Variants in ADGRL3 observed in about 807,000 individuals in gnomAD.
ADGRL3 encodes calcium-independent alpha-latrotoxin receptor 3.
A neutral mutation model predicts 153.5 loss-of-function variants in ADGRL3; 62 were observed. The observed-to-expected ratio is 0.40, with a 90% confidence interval of 0.33 to 0.50. The LOEUF is 0.50. Ranked by LOEUF, ADGRL3 falls within the 20% of genes least tolerant of loss-of-function variation. The pLI is 0.47. For missense variants in ADGRL3, 1,641 were observed against 1,859.4 expected (o/e 0.88, Z 2.16); for synonymous variants, 710 against 672.5 (o/e 1.06, Z -0.86).
At chr4:61,300,748 T>C (rs77083600) in intron 1 of ADGRL3, among the ~76,000 whole-genome samples, 4,892 of 148,724 alleles carry the variant, frequency 0.033, 167 homozygotes, top group African/African-American at 0.081. Context: ...AGAATGAGTT[T>C]TGTTTTCTTT....
intron 1 of ADGRL3, among the ~76,000 whole-genome samples, chr4:61,271,046 A>G (rs1413191471): frequency 6.6e-6 from 1 of 151,814 alleles, no homozygotes; most frequent in Non-Finnish European, 1.5e-5. Context: ...TGGTAAAGGA[A>G]GGTATTAGTG....
intron 1 of ADGRL3, among the ~76,000 whole-genome samples, chr4:61,351,290 A>G (rs531719590): frequency 1.3e-5 from 2 of 152,330 alleles, no homozygotes; most frequent in East Asian, 3.9e-4. Flanking sequence ...AAACTAGCAG[A>G]TAATGGTTCA....
At chr4:61,960,797 G>A (rs752866711) in intron 17 of ADGRL3, among the ~76,000 whole-genome samples, 5 of 152,106 alleles carry the variant, frequency 3.3e-5, no homozygotes, top group South Asian at 2.1e-4. Context: ...TGCAAGCTCC[G>A]CCTCCCAGGT....
chr4:61,604,263 C>A (rs1037080248), intron 5 of ADGRL3, among the ~76,000 whole-genome samples: 1 of 152,116 alleles, frequency 6.6e-6, no homozygotes, highest in Non-Finnish European at 1.5e-5. Flanking sequence ...TTCATTATGT[C>A]AGTGTCTGCC....
intron 1 of ADGRL3, among the ~76,000 whole-genome samples, chr4:61,284,593 T>A (rs1221120343): frequency 6.6e-6 from 1 of 151,932 alleles, no homozygotes; most frequent in African/African-American, 2.4e-5. Context: ...AATATATATT[T>A]TCTGTGTAAA....
At position 62,071,027 on chromosome 4, in the gene ADGRL3, C is replaced by T; in HGVS notation, c.*119C>T. ...AAATCTTTATGCTGTCCTCTAAAGA[C>T]AAACACAAACTCTCAGACTTTTTTT... On this transcript the variant is annotated 3_prime_UTR_variant, in exon 27 of 27. Coordinates refer to ENST00000683033, the MANE Select transcript of ADGRL3 (RefSeq NM_001387552.1). 3.5e-6 allele frequency: 3 copies of T among 855,306 alleles called. No individual in the cohort carries two copies. The highest frequency in any genetic ancestry group is 5.2e-6 in the Non-Finnish European group (3 of 572,386). The allele number at this position is 855,306 out of a possible 1,614,324, so 53.0% of individuals were successfully genotyped here.
At chr4:61,413,684 C>T (rs933618950) in intron 2 of ADGRL3, among the ~76,000 whole-genome samples, 19 of 152,248 alleles carry the variant, frequency 1.2e-4, no homozygotes, top group Admixed American at 8.5e-4. Flanking sequence ...CATTTTCGGT[C>T]TATATCTGTT....
rs1359986069 is a variant in ADGRL3 at position 62,070,188 on chromosome 4, C to T, written c.3912C>T (p.Ser1304=). Residue 1304 remains serine, a synonymous_variant, in exon 27 of 27, where the codon AGC becomes AGT. Coordinates refer to ENST00000683033, the MANE Select transcript of ADGRL3 (RefSeq NM_001387552.1). ...PLNGNHGNSY[S]IASGEYLSNC... is the part of the protein sequence containing the mutation. The stretch of plus-strand genomic sequence containing the variant: ...ATGGTAACCATGGCAATAGTTACAG[C>T]ATTGCCAGCGGCGAATACCTGAGCA... 3 of 1,613,810 alleles carry T rather than the reference C, an allele frequency of 1.9e-6. No individual in the cohort carries two copies. The highest frequency in any genetic ancestry group is 2.5e-6 in the Non-Finnish European group (3 of 1,179,912).
At chr4:61,363,987 C>T (rs80071094) in intron 1 of ADGRL3, among the ~76,000 whole-genome samples, 7,585 of 151,760 alleles carry the variant, frequency 0.05, 237 homozygotes, top group Non-Finnish European at 0.073. Flanking sequence ...AATTGGTGGG[C>T]GTGGTCAAAT....
chr4:61,818,897 T>C (rs887132999), intron 9 of ADGRL3, among the ~76,000 whole-genome samples: 5 of 152,146 alleles, frequency 3.3e-5, no homozygotes, highest in Admixed American at 2.0e-4. Context: ...TAAAATTAAT[T>C]AGACAAATAA....
At chr4:61,574,782 T>C (rs1047941359) in intron 4 of ADGRL3, among the ~76,000 whole-genome samples, 1 of 151,890 alleles carries the variant, frequency 6.6e-6, no homozygotes, top group Non-Finnish European at 1.5e-5. Flanking sequence ...AAAAACAATG[T>C]TCATTTCACT....
At chr4:61,284,423 C>T (rs1244798561) in intron 1 of ADGRL3, among the ~76,000 whole-genome samples, 1 of 151,684 alleles carries the variant, frequency 6.6e-6, no homozygotes, top group Non-Finnish European at 1.5e-5. Context: ...AACAGTGGAC[C>T]AGTTTCTTGT....
intron 3 of ADGRL3, among the ~76,000 whole-genome samples, chr4:61,509,962 G>C (rs1190491061): frequency 2.0e-5 from 3 of 152,070 alleles, no homozygotes; most frequent in African/African-American, 7.2e-5. Context: ...TAGCCATTCT[G>C]ACTGGTGTGA....
At chr4:61,333,687 C>T (rs963786836) in intron 1 of ADGRL3, among the ~76,000 whole-genome samples, 1 of 151,986 alleles carries the variant, frequency 6.6e-6, no homozygotes, top group African/African-American at 2.4e-5. Flanking sequence ...GCCTTGAGCT[C>T]CTGGCCTCAA....
chr4:61,916,971 AAAAT>A (rs1239598588), intron 13 of ADGRL3, among the ~76,000 whole-genome samples: 1 of 152,094 alleles, frequency 6.6e-6, no homozygotes. Context: ...AATAAAAATA[AAAAT>A]AAATTTATTT....
At chr4:61,258,286 C>T (rs1387819414) in intron 1 of ADGRL3, among the ~76,000 whole-genome samples, 1 of 152,132 alleles carries the variant, frequency 6.6e-6, no homozygotes, top group Non-Finnish European at 1.5e-5. Context: ...GGTTACTTTC[C>T]TTCTGTATTA....
chr4:61,373,559 A>G (rs1225019408), intron 1 of ADGRL3, among the ~76,000 whole-genome samples: 2 of 152,200 alleles, frequency 1.3e-5, no homozygotes, highest in South Asian at 2.1e-4. Flanking sequence ...AAACGAATTG[A>G]TTACATTTAA....
intron 15 of ADGRL3, among the ~76,000 whole-genome samples, chr4:61,946,445 T>G (rs1184966571): frequency 6.6e-6 from 1 of 152,206 alleles, no homozygotes; most frequent in Non-Finnish European, 1.5e-5. Context: ...TTTTGTATAA[T>G]AATGAATCTT....
At chr4:61,694,366 G>T (rs1226602806) in intron 6 of ADGRL3, among the ~76,000 whole-genome samples, 1 of 151,564 alleles carries the variant, frequency 6.6e-6, no homozygotes, top group African/African-American at 2.4e-5. Context: ...GATACTGTGG[G>T]TTCAGTTCCA....
Sources: allele counts gnomAD v4.1 joint callset (sites outside exome capture counted in the v4.1 genomes callset), GRCh38; gene constraint gnomAD v4.1.1; transcripts MANE v1.5; gene names NCBI Gene and HGNC (gene_info 2026-07-23, HGNC 2026-07-21).